Variants in NRBF2 observed in about 807,000 individuals in gnomAD.
The protein encoded by NRBF2 is nuclear receptor binding factor 2.
Under a neutral mutation model 28.5 loss-of-function variants are expected in NRBF2, and 12 were observed. That is an observed-to-expected ratio of 0.42 (90% CI 0.27 to 0.68). NRBF2 has a LOEUF of 0.68. NRBF2 is among the 30% of genes least tolerant of loss of function. NRBF2 has a pLI of 0.24. For synonymous variants in NRBF2, 102 were observed against 116.5 expected, an observed-to-expected ratio of 0.88 and a Z score of 0.80; for missense variants, 274 against 333.5, an observed-to-expected ratio of 0.82 and a Z score of 1.39.
rs563877394 is a variant in NRBF2 at position 63,143,943 on chromosome 10, A to C, written c.31-2266A>C. Among the ~76,000 whole-genome samples the C allele has an allele frequency of 2.0e-5, 3 of 151,744 alleles. No homozygotes were observed. The South Asian group carries it at 6.3e-4, about 32-fold the overall frequency. On this transcript the variant is annotated intron_variant, in intron 1 of 3. Transcript: ENST00000277746. The stretch of plus-strand genomic sequence containing the variant: ...CGGCTAATTTTTGTATTTTTTGTAG[A>C]GATGGGTTTTCACCATATTGCCCAG...
rs755903996 is a variant in NRBF2 at position 63,146,303 on chromosome 10, C to G, written c.115+10C>G. Reference sequence around the variant, plus strand: ...CACAAAAAGGCTGCAGGTGAGTATTCTTATTAAGTACTCAGTGTAAAACTG... The same window carrying G: ...CACAAAAAGGCTGCAGGTGAGTATTGTTATTAAGTACTCAGTGTAAAACTG... On this transcript the variant is annotated intron_variant, in intron 2 of 3. Transcript: ENST00000277746. 3.2e-6 allele frequency: 5 copies of G among 1,577,702 alleles called. No homozygotes were observed. The highest frequency in any genetic ancestry group is 4.3e-6 in the Non-Finnish European group (5 of 1,151,724).
At chr10:63,138,482 GC>G (rs1259746409) in intron 1 of NRBF2, among the ~76,000 whole-genome samples, 4 of 122,594 alleles carry the variant, frequency 3.3e-5, no homozygotes, top group Non-Finnish European at 7.5e-5. Flanking sequence ...AGACCTTGTC[GC>G]AAAAAAAAAA....
intron 2 of NRBF2, among the ~76,000 whole-genome samples, chr10:63,146,669 A>G (rs1841566306): frequency 1.3e-5 from 2 of 152,226 alleles, no homozygotes; most frequent in African/African-American, 4.8e-5. Context: ...CAACCAATTC[A>G]TTTTCACTGA....
At chr10:63,151,261 A>C (rs1841644975) in intron 2 of NRBF2, among the ~76,000 whole-genome samples, 1 of 152,276 alleles carries the variant, frequency 6.6e-6, no homozygotes, top group African/African-American at 2.4e-5. Context: ...AAAAATGTTT[A>C]TAACAAGCAA....
intron 1 of NRBF2, among the ~76,000 whole-genome samples, chr10:63,142,619 T>G (rs1199882783): frequency 2.0e-5 from 3 of 152,120 alleles, no homozygotes; most frequent in Admixed American, 6.6e-5. Context: ...GCATACTAGC[T>G]TTCTTCATCA....
intron 2 of NRBF2, among the ~76,000 whole-genome samples, chr10:63,147,728 G>T (rs1262952085): frequency 1.3e-5 from 2 of 151,382 alleles, no homozygotes; most frequent in South Asian, 2.1e-4. Flanking sequence ...TCTACATTAG[G>T]TATTTCTCCT....
chr10:63,153,873 C>T lies in NRBF2; in HGVS notation c.519C>T (p.Thr173=). The change falls in exon 4 of 4, where the codon ACC becomes ACT. Residue 173 remains threonine (T), a synonymous_variant. Transcript: ENST00000277746. ...AAACAATTATAGAGGAGCAGGCAAC[C>T]AAAATTGCAGATTTGAAGAGGCATG... ...DDKTIIEEQA[T]KIADLKRHVE... The T allele has an allele frequency of 6.2e-7, 1 of 1,612,002 alleles. No individual in the cohort carries two copies. Among genetic ancestry groups the T allele is most frequent in the East Asian group, 2.2e-5 (1 of 44,850 alleles).
At chr10:63,150,407 C>CTT (rs79893998) in intron 2 of NRBF2, 294 of 788,704 alleles carry the variant, frequency 3.7e-4, no homozygotes, top group Middle Eastern at 6.5e-4. Context: ...TTTTTCTTTC[C>CTT]TTTTTTTTTT....
chr10:63,134,403 C>G (rs1482542791), intron 1 of NRBF2, among the ~76,000 whole-genome samples: 2 of 152,136 alleles, frequency 1.3e-5, no homozygotes, highest in Non-Finnish European at 2.9e-5. Context: ...GTTTGCAATT[C>G]ATTTGCGATG....
chr10:63,151,917 T>C (rs991883428), intron 2 of NRBF2, among the ~76,000 whole-genome samples: 1 of 152,188 alleles, frequency 6.6e-6, no homozygotes, highest in African/African-American at 2.4e-5. Context: ...AATTATAAAA[T>C]CTGTAGGAGT....
chr10:63,145,252 C>T (rs923364809), intron 1 of NRBF2, among the ~76,000 whole-genome samples: 22 of 152,072 alleles, frequency 1.4e-4, no homozygotes, highest in East Asian at 3.9e-4. Context: ...GGATTACAGG[C>T]GCCCGCAGAG....
At chr10:63,149,316 A>G (rs1305110003) in intron 2 of NRBF2, among the ~76,000 whole-genome samples, 2 of 151,984 alleles carry the variant, frequency 1.3e-5, no homozygotes, top group Non-Finnish European at 2.9e-5. Context: ...CAGGGTTTCT[A>G]CCTTGGCCTC....
chr10:63,152,133 A>AT lies in NRBF2; in HGVS notation c.116-11dup. The AT allele has an allele frequency of 1.9e-6, 3 of 1,606,206 alleles. No homozygotes were observed. Among genetic ancestry groups the AT allele is most frequent in the African/African-American group, 2.7e-5 (2 of 74,600 alleles). On this transcript the variant is annotated splice_polypyrimidine_tract_variant and intron_variant, in intron 2 of 3. Coordinates refer to ENST00000277746, the MANE Select transcript of NRBF2 (RefSeq NM_030759.5). The stretch of plus-strand genomic sequence containing the variant: ...AATGAAGACACATATTAACATGCCT[A>AT]TTTTTTCTCTTAACAGCATATCTTT...
chr10:63,144,900 G>A (rs531331803), intron 1 of NRBF2, among the ~76,000 whole-genome samples: 1 of 152,096 alleles, frequency 6.6e-6, no homozygotes, highest in Admixed American at 6.6e-5. Context: ...GCTAAATCGT[G>A]TGTGTTTGTT....
chr10:63,152,821 A>AC (rs1405864249), intron 3 of NRBF2, among the ~76,000 whole-genome samples: 2 of 152,024 alleles, frequency 1.3e-5, no homozygotes, highest in Admixed American at 6.6e-5. Context: ...ACACAGTGAG[A>AC]CCCCATCTCT....
At chr10:63,139,044 CTG>C (rs534114132) in intron 1 of NRBF2, among the ~76,000 whole-genome samples, 201 of 152,232 alleles carry the variant, frequency 1.3e-3, no homozygotes, top group Non-Finnish European at 2.5e-3. Flanking sequence ...GAGTATCACT[CTG>C]TTGCCCAGGC....
chr10:63,138,184 G>T (rs1841403339), intron 1 of NRBF2, among the ~76,000 whole-genome samples: 1 of 151,750 alleles, frequency 6.6e-6, no homozygotes, highest in Non-Finnish European at 1.5e-5. Flanking sequence ...GTGGTGGTGG[G>T]TGCCTGTAAT....
chr10:63,134,812 C>T (rs751594520), intron 1 of NRBF2, among the ~76,000 whole-genome samples: 1 of 152,158 alleles, frequency 6.6e-6, no homozygotes, highest in Admixed American at 6.5e-5. Flanking sequence ...GTGAGGCGCC[C>T]CTCCCTTTTA....
intron 1 of NRBF2, 125 bp from the exon 2 acceptor site, chr10:63,146,084 G>A (rs941745562): frequency 1.2e-5 from 9 of 732,698 alleles, no homozygotes; most frequent in Non-Finnish European, 2.1e-5. Context: ...AGATAGAGCT[G>A]TAATAGTGAT....
Sources: allele counts gnomAD v4.1 joint callset (sites outside exome capture counted in the v4.1 genomes callset), GRCh38; gene constraint gnomAD v4.1.1; transcripts MANE v1.5; gene names NCBI Gene and HGNC (gene_info 2026-07-23, HGNC 2026-07-21).